Variants in TRIO observed in about 807,000 individuals in gnomAD.
The protein encoded by TRIO is triple functional domain protein.
Under a neutral mutation model 351.9 loss-of-function variants are expected in TRIO, and 58 were observed. That is an observed-to-expected ratio of 0.16 (90% CI 0.13 to 0.21). TRIO has a LOEUF of 0.21. Among genes scored for constraint, TRIO ranks in the 10% least tolerant of loss-of-function variants. The pLI, the probability that TRIO is intolerant of heterozygous loss-of-function variation, is 1.00. For missense variants in TRIO, 3,201 were observed against 4,027.8 expected (o/e 0.79, Z 5.56); for synonymous variants, 1,758 against 1,595.7 (o/e 1.10, Z -2.42).
Position 14,461,165 on chromosome 5 carries a change from C to T in TRIO, c.5350C>T (p.Leu1784Phe), listed in dbSNP as rs1238969830. The T allele has an allele frequency of 1.3e-6, 2 of 1,557,800 alleles. No homozygotes were observed. Among genetic ancestry groups the T allele is most frequent in the Non-Finnish European group, 8.7e-7 (1 of 1,151,464 alleles). ...GTGGCTCACCAGCCCCGTGCGGCGG[C>T]TCAGCAGCGGCAAGGCCGACGGGCA... ...RKWLTSPVRRLSSGKADGHVK... is the reference protein window; with the variant it reads ...RKWLTSPVRRFSSGKADGHVK... Residue 1784 changes from leucine (L) to phenylalanine (F), a missense_variant, in exon 35 of 57, where the codon CTC becomes TTC. Physicochemically the swap from Leu to Phe is conservative, Grantham distance 22. This residue lies in a region of TRIO where 193 missense variants were observed against 218.8 expected (regional missense o/e 0.88). Transcript: ENST00000344204.
At chr5:14,183,972 C>A (rs920830243) in intron 1 of TRIO, 1 of 697,860 alleles carries the variant, frequency 1.4e-6, no homozygotes, top group African/African-American at 1.7e-5. Context: ...AAGGATGTGT[C>A]CCAGACTTTA....
chr5:14,254,457 A>G (rs1794917336), intron 1 of TRIO, among the ~76,000 whole-genome samples: 2 of 152,208 alleles, frequency 1.3e-5, no homozygotes, highest in Admixed American at 6.5e-5. Flanking sequence ...ACCCTCAGAA[A>G]CTGCTTGCTG....
chr5:14,430,842 A>C (rs1751049845), intron 34 of TRIO, among the ~76,000 whole-genome samples: 1 of 151,922 alleles, frequency 6.6e-6, no homozygotes, highest in Non-Finnish European at 1.5e-5. Context: ...CAGCCTCCCG[A>C]GTAGCTGGGA....
chr5:14,450,738 G>A (rs888912269), intron 34 of TRIO, among the ~76,000 whole-genome samples: 1 of 152,208 alleles, frequency 6.6e-6, no homozygotes, highest in Admixed American at 6.5e-5. Flanking sequence ...TTCTCTGGCT[G>A]TTGTAAAGAT....
chr5:14,308,324 C>T (rs541386057), intron 8 of TRIO, among the ~76,000 whole-genome samples: 60 of 139,980 alleles, frequency 4.3e-4, no homozygotes, highest in Admixed American at 9.8e-4. Context: ...ACCCAACCAC[C>T]CATCCATCCA....
At chr5:14,478,327 G>T (rs763797621) in intron 41 of TRIO, among the ~76,000 whole-genome samples, 8 of 152,204 alleles carry the variant, frequency 5.3e-5, no homozygotes, top group Non-Finnish European at 1.2e-4. Flanking sequence ...GCAGTGAAGA[G>T]TTTTTGCCAA....
intron 14 of TRIO, 53 bp downstream of exon 14, chr5:14,363,980 G>A: frequency 5.8e-6 from 9 of 1,549,454 alleles, no homozygotes; most frequent in Non-Finnish European, 7.9e-6. Context: ...TGTCGTCATG[G>A]CAATTCGGCT....
chr5:14,174,452 C>T (rs1789288567), intron 1 of TRIO, among the ~76,000 whole-genome samples: 1 of 152,150 alleles, frequency 6.6e-6, no homozygotes, highest in South Asian at 2.1e-4. Flanking sequence ...CCGCCTGCCT[C>T]TCTATCTACC....
intron 1 of TRIO, among the ~76,000 whole-genome samples, chr5:14,166,293 T>G (rs26286): frequency 0.61 from 92,603 of 152,080 alleles, 29,399 homozygotes; most frequent in African/African-American, 0.8. Flanking sequence ...TGTCTCTCAG[T>G]CGTCCCGTCA....
rs974476009 is a variant in TRIO at position 14,410,469 on chromosome 5, C to T, written c.4959+3797C>T. ...TAGGCTTAACCAGCAACCCCATCTC[C>T]GGTGACGGTAATTTTCCTGAGTCTC... On this transcript the variant is annotated intron_variant, in intron 33 of 56. Transcript: ENST00000344204. 3.3e-5 allele frequency among the ~76,000 whole-genome samples: 5 copies of T among 152,210 alleles called. 1 individual carries two copies. Among genetic ancestry groups the T allele is most frequent in the Admixed American group, 3.3e-4 (5 of 15,286 alleles).
intron 11 of TRIO, among the ~76,000 whole-genome samples, chr5:14,339,518 A>C (rs1458701366): frequency 6.6e-6 from 1 of 152,216 alleles, no homozygotes; most frequent in Non-Finnish European, 1.5e-5. Flanking sequence ...CAGGATTTTT[A>C]GTGCAGTCTA....
At chr5:14,434,659 T>C (rs773322400) in intron 34 of TRIO, among the ~76,000 whole-genome samples, 43 of 152,360 alleles carry the variant, frequency 2.8e-4, no homozygotes, top group Non-Finnish European at 4.1e-4. Context: ...AACTAAGCCC[T>C]GGGCCTTATC....
At chr5:14,449,807 A>G (rs1752713313) in intron 34 of TRIO, among the ~76,000 whole-genome samples, 1 of 152,182 alleles carries the variant, frequency 6.6e-6, no homozygotes. Flanking sequence ...CACTTTGGCA[A>G]TATGTGAGAT....
chr5:14,338,849 C>T (rs751017936), intron 11 of TRIO, among the ~76,000 whole-genome samples: 27 of 152,280 alleles, frequency 1.8e-4, no homozygotes, highest in Non-Finnish European at 3.2e-4. Context: ...TGGCATGTTC[C>T]AGAGCCAGGT....
intron 37 of TRIO, among the ~76,000 whole-genome samples, chr5:14,469,407 G>T (rs911370288): frequency 3.3e-5 from 5 of 152,276 alleles, no homozygotes; most frequent in Non-Finnish European, 5.9e-5. Flanking sequence ...AATGAAACCT[G>T]AATGAAATGG....
intron 1 of TRIO, among the ~76,000 whole-genome samples, chr5:14,201,069 C>T (rs1313891045): frequency 6.6e-6 from 1 of 151,964 alleles, no homozygotes; most frequent in African/African-American, 2.4e-5. Flanking sequence ...ACCAGCCTGA[C>T]CAACATGGAG....
At chr5:14,311,675 T>C (rs1738948402) in intron 8 of TRIO, among the ~76,000 whole-genome samples, 2 of 152,208 alleles carry the variant, frequency 1.3e-5, no homozygotes, top group Non-Finnish European at 2.9e-5. Context: ...AGAACCTTGA[T>C]ATGAGAATAA....
At chr5:14,418,244 A>C (rs1049028935) in intron 33 of TRIO, among the ~76,000 whole-genome samples, 1 of 152,120 alleles carries the variant, frequency 6.6e-6, no homozygotes, top group African/African-American at 2.4e-5. Flanking sequence ...GCTTCTGGCC[A>C]CTGGGGGGGA....
At chr5:14,267,611 C>A (rs1194300726) in intron 1 of TRIO, among the ~76,000 whole-genome samples, 1 of 152,122 alleles carries the variant, frequency 6.6e-6, no homozygotes. Flanking sequence ...CACTGTTTTC[C>A]TAAATAGCTC....
Sources: allele counts gnomAD v4.1 joint callset (sites outside exome capture counted in the v4.1 genomes callset), GRCh38; gene constraint gnomAD v4.1.1; regional missense constraint gnomAD v4.1.1; transcripts MANE v1.5; gene names NCBI Gene and HGNC (gene_info 2026-07-23, HGNC 2026-07-21).